Variants in PTPRS observed in about 807,000 individuals in gnomAD.
The protein encoded by PTPRS is receptor-type tyrosine-protein phosphatase S.
Under a neutral mutation model 215.3 loss-of-function variants are expected in PTPRS, and 63 were observed. That is an observed-to-expected ratio of 0.29 (90% CI 0.24 to 0.36). The LOEUF is 0.36. Among genes scored for constraint, PTPRS ranks in the 10% least tolerant of loss-of-function variants. The pLI, the probability that PTPRS is intolerant of heterozygous loss-of-function variation, is 1.00. For missense variants in PTPRS, 2,258 were observed against 2,825.8 expected (o/e 0.80, Z 4.56); for synonymous variants, 1,404 against 1,191.4 (o/e 1.18, Z -3.68).
intron 2 of PTPRS, among the ~76,000 whole-genome samples, chr19:5,285,066 C>G (rs922819708): frequency 2.0e-5 from 3 of 152,218 alleles, no homozygotes; most frequent in Admixed American, 2.0e-4. Flanking sequence ...TTTGTGGTAA[C>G]ACAGGATTGC....
chr19:5,237,029 T>C lies in PTPRS; in HGVS notation c.1849+1890A>G, dbSNP rs1256721996. On this transcript the variant is annotated intron_variant, in intron 13 of 37. Coordinates refer to ENST00000262963, the MANE Select transcript of PTPRS (RefSeq NM_002850.4). This position sits in a 1 kb window ranked among gnomAD's most constrained non-coding sequence, Gnocchi z 4.2. ...CCTTCCAGAAAACGCCCAGTCTGGT[T>C]ACCTACCTTCCACTCTTCAACTGCT... Among the ~76,000 whole-genome samples, 11 of 152,208 alleles carry C rather than the reference T, an allele frequency of 7.2e-5. No homozygotes were observed. The highest frequency in any genetic ancestry group is 1.6e-4 in the Non-Finnish European group (11 of 68,038).
intron 2 of PTPRS, among the ~76,000 whole-genome samples, chr19:5,280,227 A>G (rs2047730549): frequency 6.6e-6 from 1 of 152,214 alleles, no homozygotes; most frequent in African/African-American, 2.4e-5. Flanking sequence ...TCAGAAGCCC[A>G]GAGAGGCCTT....
intron 1 of PTPRS, among the ~76,000 whole-genome samples, chr19:5,336,335 C>T (rs556914670): frequency 6.6e-6 from 1 of 151,814 alleles, no homozygotes; most frequent in African/African-American, 2.4e-5. Context: ...CCAGGTGTCA[C>T]CTGTTTCCTA....
At position 5,257,932 on chromosome 19, in the gene PTPRS, G is replaced by GGAGCCCGGAGGCGGT; in HGVS notation, c.706+70_706+84dup. ...CCTGCTTGGGTGTGCAGGGGACGGG[G>GGAGCCCGGAGGCGGT]GAGCCCGGAGGCGGTGAGCCCGAGG... is the stretch of plus-strand genomic sequence containing the variant. On this transcript the variant is annotated intron_variant, in intron 8 of 37. Transcript: ENST00000262963. This position sits in a 1 kb window ranked among gnomAD's most constrained non-coding sequence, Gnocchi z 4.4. 8.3e-7 allele frequency: 1 copy of GGAGCCCGGAGGCGGT among 1,206,432 alleles called. No individual in the cohort carries two copies. Among genetic ancestry groups the GGAGCCCGGAGGCGGT allele is most frequent in the South Asian group, 1.3e-5 (1 of 74,516 alleles). The allele number at this position is 1,206,432 out of a possible 1,614,324, so 74.7% of individuals were successfully genotyped here.
In PTPRS at chr19:5,273,432, A is replaced by G; in HGVS notation, c.379+10T>C. ...AGTTTATCCTCCGCCCGCCCTGAGG[A>G]GCCCAATACCTCGGAGGACAGTAAG... On this transcript the variant is annotated intron_variant, in intron 4 of 37. Coordinates refer to ENST00000262963, the MANE Select transcript of PTPRS (RefSeq NM_002850.4). 3 of 1,614,122 alleles carry G rather than the reference A, an allele frequency of 1.9e-6. No individual in the cohort carries two copies. The highest frequency in any genetic ancestry group is 2.5e-6 in the Non-Finnish European group (3 of 1,180,024).
At chr19:5,335,726 C>T (rs983349686) in intron 1 of PTPRS, among the ~76,000 whole-genome samples, 5 of 152,120 alleles carry the variant, frequency 3.3e-5, no homozygotes, top group Admixed American at 2.0e-4. Context: ...CCAGTTACGG[C>T]GATGGGGACC....
At chr19:5,219,543 A>T (rs2041792169) in intron 22 of PTPRS, 76 bp from the exon 23 acceptor site, 1 of 1,471,194 alleles carries the variant, frequency 6.8e-7, no homozygotes, top group African/African-American at 1.4e-5. Flanking sequence ...CTCAAACATG[A>T]ACCTACGTTT....
At chr19:5,212,962 G>A (rs1156978963) in intron 30 of PTPRS, among the ~76,000 whole-genome samples, 4 of 151,926 alleles carry the variant, frequency 2.6e-5, no homozygotes, top group East Asian at 1.9e-4. Context: ...CACACACAAC[G>A]TGGCCAACTG....
intron 14 of PTPRS, among the ~76,000 whole-genome samples, chr19:5,230,927 A>G (rs2238635): frequency 0.49 from 74,100 of 152,108 alleles, 19,641 homozygotes; most frequent in East Asian, 0.7. Context: ...AAATTGGCCA[A>G]TGCTACACAA....
chr19:5,281,761 G>C (rs2047869360), intron 2 of PTPRS, among the ~76,000 whole-genome samples: 2 of 152,178 alleles, frequency 1.3e-5, no homozygotes, highest in South Asian at 2.1e-4. Context: ...CTGGAAGGAA[G>C]GGCAGAAGCT....
At chr19:5,284,420 A>G (rs1002864921) in intron 2 of PTPRS, among the ~76,000 whole-genome samples, 1 of 100,468 alleles carries the variant, frequency 1.0e-5, no homozygotes, top group Non-Finnish European at 2.6e-5. Flanking sequence ...AATAAATAAA[A>G]ATTAGCCAGG....
At chr19:5,327,360 C>T (rs1465981414) in intron 1 of PTPRS, among the ~76,000 whole-genome samples, 1 of 152,170 alleles carries the variant, frequency 6.6e-6, no homozygotes, top group East Asian at 1.9e-4. Flanking sequence ...ATACCAAGAC[C>T]CTTCTACCCA....
intron 1 of PTPRS, among the ~76,000 whole-genome samples, chr19:5,322,541 C>T (rs959537692): frequency 2.0e-5 from 3 of 152,238 alleles, no homozygotes; most frequent in Middle Eastern, 3.4e-3. Context: ...AAAGCAAGAA[C>T]GTGGAAGCCA....
At position 5,270,574 on chromosome 19, in the gene PTPRS, T is replaced by C. The variant is rs1315010157; in HGVS notation, c.379+2868A>G. ...ATCCTCTTGACTTGGCCTCCCGAAG[T>C]GTTGGCATTACAGGTGTGAGCCACG... On this transcript the variant is annotated intron_variant, in intron 4 of 37. Coordinates refer to ENST00000262963, the MANE Select transcript of PTPRS (RefSeq NM_002850.4). Among the ~76,000 whole-genome samples the C allele has an allele frequency of 3.9e-5, 6 of 152,278 alleles. No individual in the cohort carries two copies. The East Asian group carries it at 1.2e-3, about 29-fold the overall frequency.
intron 4 of PTPRS, 31 bp from the exon 5 acceptor site, chr19:5,265,227 T>A (rs995529697): frequency 6.3e-6 from 10 of 1,598,724 alleles, no homozygotes; most frequent in Non-Finnish European, 7.7e-6. Context: ...GAAATGGGCA[T>A]GGTTCTGAGC....
At chr19:5,230,232 T>C (rs1378697493) in intron 14 of PTPRS, among the ~76,000 whole-genome samples, 2 of 152,204 alleles carry the variant, frequency 1.3e-5, no homozygotes, top group Non-Finnish European at 2.9e-5. Context: ...GCTTAGGACA[T>C]AATGGGGCTG....
At chr19:5,212,551 G>C in intron 30 of PTPRS, 60 bp from the exon 31 acceptor site, 1 of 1,527,898 alleles carries the variant, frequency 6.5e-7, no homozygotes, top group Non-Finnish European at 8.8e-7. Context: ...ATGTGCTGAA[G>C]ATGCCCAAGT....
chr19:5,322,581 C>T (rs745732276), intron 1 of PTPRS, among the ~76,000 whole-genome samples: 21 of 152,026 alleles, frequency 1.4e-4, no homozygotes, highest in Non-Finnish European at 1.9e-4. Context: ...GCCTCCAGCC[C>T]GCAGAAAGAC....
In PTPRS at chr19:5,313,548, T is replaced by C. The variant is rs1274278059; in HGVS notation, c.-95+27116A>G. ...GGCAGGCCTGGCCGGGGCCGACGGC[T>C]GGCACTGAGCCAGAGTCAACGGGGA... On this transcript the variant is annotated intron_variant, in intron 1 of 37. Transcript: ENST00000262963. Among the ~76,000 whole-genome samples, 8 of 152,120 alleles carry C rather than the reference T, an allele frequency of 5.3e-5. No homozygotes were observed. In the South Asian group the frequency reaches 1.2e-3, roughly 24 times the overall value.
Sources: gnomAD v4.1 joint callset for allele counts (sites outside exome capture counted in the v4.1 genomes callset) on GRCh38, gnomAD v4.1.1 for gene constraint, Gnocchi (gnomAD v3.1) non-coding constraint, MANE v1.5 for transcripts, NCBI Gene and HGNC (gene_info 2026-07-23, HGNC 2026-07-21) for gene names.